SPTB: variants seen among roughly 807,000 people sequenced by gnomAD.
SPTB encodes the protein spectrin beta chain, erythrocytic.
In SPTB, 45 loss-of-function variants were observed where a neutral mutation model predicts 256.2. The observed-to-expected ratio is 0.18, with a 90% CI of 0.14 to 0.23. The LOEUF is 0.23. Among genes scored for constraint, SPTB ranks in the 10% least tolerant of loss-of-function variants. The probability of loss-of-function intolerance (pLI) is 1.00; values close to 1 mark genes in which losing one functional copy is unlikely to be tolerated. For synonymous variants in SPTB, 1,231 were observed against 1,243.1 expected (o/e 0.99, Z 0.21); for missense variants, 2,715 against 3,040.4 (o/e 0.89, Z 2.52).
intron 1 of SPTB, among the ~76,000 whole-genome samples, chr14:64,864,705 A>G (rs888304341): frequency 2.0e-5 from 3 of 152,224 alleles, no homozygotes; most frequent in African/African-American, 7.2e-5. Context: ...TCTTCGCAGT[A>G]ATAAGTCTAG....
Position 64,799,890 on chromosome 14 carries a change from G to A in SPTB, c.921C>T (p.Tyr307=), listed in dbSNP as rs1172912595. The A allele has an allele frequency of 1.3e-5, 21 of 1,614,150 alleles. No individual in the cohort carries two copies. The highest frequency in any genetic ancestry group is 1.8e-5 in the Non-Finnish European group (21 of 1,180,060). The change falls in exon 9 of 36, where the codon TAC becomes TAT. Residue 307 remains tyrosine, a synonymous_variant. Coordinates refer to ENST00000644917, the MANE Select transcript of SPTB (RefSeq NM_001355436.2). ...AIETEKMIEK[Y]SGLASDLLTW... ...TGAGCAGGTCCGAGGCTAGCCCGCT[G>A]TACTTTTCAATCATCTTCTCAGTCT...
intron 5 of SPTB, among the ~76,000 whole-genome samples, 163 bp from the exon 6 acceptor site, chr14:64,801,997 A>T (rs577185605): frequency 4.1e-4 from 63 of 152,324 alleles, no homozygotes; most frequent in African/African-American, 1.5e-3. Flanking sequence ...AGGCTCCCCC[A>T]TCAGATGTGA....
At chr14:64,791,347 C>T (rs535884508) in intron 15 of SPTB, among the ~76,000 whole-genome samples, 2 of 152,072 alleles carry the variant, frequency 1.3e-5, no homozygotes, top group South Asian at 2.1e-4. Context: ...GTGGGCAGAT[C>T]GCTTGAGGCC....
rs539506928 is a variant in SPTB, at chr14:64,823,197, T to C, written c.-51-52A>G. ...GTTATCTCTCTACCCCCTCGGACTT[T>C]TTCTCCGGGGAAACTTATTCGGAGC... On this transcript the variant is annotated intron_variant, in intron 1 of 35. Coordinates refer to ENST00000644917, the MANE Select transcript of SPTB (RefSeq NM_001355436.2). The surrounding 1 kb of genome is among the most constrained non-coding windows in gnomAD (Gnocchi z 6.5). 7.2e-5 allele frequency: 103 copies of C among 1,433,244 alleles called. No individual in the cohort carries two copies. The highest frequency in any genetic ancestry group is 9.1e-5 in the Non-Finnish European group (93 of 1,023,448). The allele number at this position is 1,433,244 out of a possible 1,614,324, so 88.8% of individuals were successfully genotyped here. A position where few individuals can be genotyped will look rare whatever the true frequency, so the allele number is the denominator to read the frequency against.
chr14:64,854,766 C>T (rs909999110), intron 1 of SPTB, among the ~76,000 whole-genome samples: 2 of 152,136 alleles, frequency 1.3e-5, no homozygotes, highest in African/African-American at 2.4e-5. Flanking sequence ...TCCAGGATGC[C>T]GGCAGGCCAA....
Position 64,777,582 on chromosome 14 carries a change from A to G in SPTB, c.4563+1575T>C, listed in dbSNP as rs145858012. ...CAAAGTGCAGTCCTGAACCAGCAGCATCGGCATCACCTAGGATCTTGTTGG... is the reference window on the plus strand; with the variant it reads ...CAAAGTGCAGTCCTGAACCAGCAGCGTCGGCATCACCTAGGATCTTGTTGG... On this transcript the variant is annotated intron_variant, in intron 22 of 35. Coordinates refer to ENST00000644917, the MANE Select transcript of SPTB (RefSeq NM_001355436.2). This position sits in a 1 kb window ranked among gnomAD's most constrained non-coding sequence, Gnocchi z 4.5. Among the ~76,000 whole-genome samples, 333 of 152,244 alleles carry G rather than the reference A, an allele frequency of 2.2e-3. 1 individual carries two copies. Among genetic ancestry groups the G allele is most frequent in the African/African-American group, 7.6e-3 (315 of 41,512 alleles).
At chr14:64,821,397 G>T (rs1156628300) in intron 2 of SPTB, among the ~76,000 whole-genome samples, 3 of 152,064 alleles carry the variant, frequency 2.0e-5, no homozygotes, top group Admixed American at 2.0e-4. Context: ...TGTTAAAATA[G>T]AATTTACCTT....
rs1418842922 is a variant in SPTB at position 64,879,777 on chromosome 14, C to G, written c.-52+15G>C. ...CACCCAGCTCCCTTGGCCGCCGGGC[C>G]CTCCTGGGACTCACCTGCCCTGGGA... On this transcript the variant is annotated intron_variant, in intron 1 of 35. Coordinates refer to ENST00000644917, the MANE Select transcript of SPTB (RefSeq NM_001355436.2). The G allele has an allele frequency of 6.5e-6, 1 of 152,760 alleles. No homozygotes were observed. Among genetic ancestry groups the G allele is most frequent in the African/African-American group, 2.4e-5 (1 of 41,402 alleles). The allele number at this position is 152,760 out of a possible 1,614,324, so 9.5% of individuals were successfully genotyped here.
At chr14:64,765,025 C>CGTGCGTGTGTGTGT (rs2082145855) in intron 32 of SPTB, among the ~76,000 whole-genome samples, 1 of 118,254 alleles carries the variant, frequency 8.5e-6, no homozygotes, top group African/African-American at 3.2e-5. Flanking sequence ...GGAGTGTGTG[C>CGTGCGTGTGTGTGT]GTGTGTGTGT....
intron 1 of SPTB, among the ~76,000 whole-genome samples, chr14:64,864,010 T>C (rs1339407298): frequency 6.6e-6 from 1 of 152,210 alleles, no homozygotes; most frequent in Non-Finnish European, 1.5e-5. Flanking sequence ...CATAAGTACA[T>C]AGCATCAGCA....
rs572741834 is a variant in SPTB, at chr14:64,823,809, G to T, written c.-51-664C>A. ...TTAGGGCTTCTTTGGAGCATGACCA[G>T]GTGCTCAGATGAGGTCTCCTGTTGA... On this transcript the variant is annotated intron_variant, in intron 1 of 35. Coordinates refer to ENST00000644917, the MANE Select transcript of SPTB (RefSeq NM_001355436.2). This position sits in a 1 kb window ranked among gnomAD's most constrained non-coding sequence, Gnocchi z 6.5. Among the ~76,000 whole-genome samples the T allele has an allele frequency of 1.3e-5, 2 of 152,146 alleles. No homozygotes were observed. Among genetic ancestry groups the T allele is most frequent in the African/African-American group, 4.8e-5 (2 of 41,430 alleles).
At chr14:64,765,915 GGTGTGTATGA>G (rs1164452970) in intron 32 of SPTB, among the ~76,000 whole-genome samples, 6 of 149,794 alleles carry the variant, frequency 4.0e-5, no homozygotes, top group Non-Finnish European at 5.9e-5. Context: ...GTGGGGGTGT[GGTGTGTATGA>G]GTGTGTATGT....
At position 64,785,446 on chromosome 14, in the gene SPTB, G is replaced by T; in HGVS notation, c.3855+91C>A. On this transcript the variant is annotated intron_variant, in intron 18 of 35. Transcript: ENST00000644917. The surrounding 1 kb of genome is among the most constrained non-coding windows in gnomAD (Gnocchi z 4.4). ...ATGGAATCCCACAGCTCTTGAGCTA[G>T]AAAGGATCCCTGTGGACTTCCTGCC... The T allele has an allele frequency of 8.4e-7, 1 of 1,193,358 alleles. No individual in the cohort carries two copies. The allele number at this position is 1,193,358 out of a possible 1,614,324, so 73.9% of individuals were successfully genotyped here. A position where few individuals can be genotyped will look rare whatever the true frequency, so the allele number is the denominator to read the frequency against.
At chr14:64,801,185 T>A in intron 7 of SPTB, 100 bp downstream of exon 7, 1 of 1,039,464 alleles carries the variant, frequency 9.6e-7, no homozygotes, top group Non-Finnish European at 1.4e-6. Flanking sequence ...GCCCAGCACC[T>A]GGGCCGGCCT....
chr14:64,800,746 C>T lies in SPTB; in HGVS notation c.876+10G>A, dbSNP rs1030501197. 6.8e-6 allele frequency: 11 copies of T among 1,613,104 alleles called. No homozygotes were observed. The highest frequency in any genetic ancestry group is 8.5e-6 in the Non-Finnish European group (10 of 1,179,046). ...GAAGAGTGACACTTTGGTTCCAAAA[C>T]AGCTTGTACCTTGCCGACACGCTTG... On this transcript the variant is annotated intron_variant, in intron 8 of 35. Transcript: ENST00000644917.
chr14:64,832,842 C>G (rs2083468851), intron 1 of SPTB, among the ~76,000 whole-genome samples: 1 of 152,214 alleles, frequency 6.6e-6, no homozygotes, highest in Non-Finnish European at 1.5e-5. Context: ...CTTCTGGCCA[C>G]TGCCTTCTCA....
In SPTB at chr14:64,786,540, C is replaced by T. The variant is rs141173028; in HGVS notation, c.3425G>A (p.Arg1142Gln). 251 of 1,614,188 alleles carry T rather than the reference C, an allele frequency of 1.6e-4. 1 individual carries two copies. The highest frequency in any genetic ancestry group is 9.8e-4 in the South Asian group (89 of 91,084). Reference protein sequence around the residue: ...TDPEYLLLGQRLEGLDTGWNA... With the variant: ...TDPEYLLLGQQLEGLDTGWNA... ...CCAGCCAGTATCCAGGCCCTCCAGC[C>T]GCTGGCCCAGAAGCAGATACTCTGG... Residue 1142 changes from arginine (R) to glutamine (Q), a missense_variant, in exon 16 of 36, where the codon CGG becomes CAG. Physicochemically the swap from Arg to Gln is conservative, Grantham distance 43 (BLOSUM62 1). Around this residue, in one of 4 missense-constraint regions of SPTB, gnomAD observed 2,239 missense variants for 2,384.4 expected, o/e 0.94. Coordinates refer to ENST00000644917, the MANE Select transcript of SPTB (RefSeq NM_001355436.2). This position sits in a 1 kb window ranked among gnomAD's most constrained non-coding sequence, Gnocchi z 5.6.
At chr14:64,791,434 C>T (rs578088738) in intron 15 of SPTB, among the ~76,000 whole-genome samples, 8 of 152,116 alleles carry the variant, frequency 5.3e-5, no homozygotes, top group African/African-American at 1.7e-4. Flanking sequence ...GGCATTGTAT[C>T]GCACGCCTGT....
Position 64,827,143 on chromosome 14 carries a change from C to T in SPTB, c.-51-3998G>A, listed in dbSNP as rs964573085. 2.0e-5 allele frequency among the ~76,000 whole-genome samples: 3 copies of T among 152,124 alleles called. No individual in the cohort carries two copies. The highest frequency in any genetic ancestry group is 7.2e-5 in the African/African-American group (3 of 41,430). On this transcript the variant is annotated intron_variant, in intron 1 of 35. Coordinates refer to ENST00000644917, the MANE Select transcript of SPTB (RefSeq NM_001355436.2). This position sits in a 1 kb window ranked among gnomAD's most constrained non-coding sequence, Gnocchi z 4.6. ...CAGCCTGCAGGGTGCTGACGGAGCC[C>T]AAGCTAGGACCCATGTCAGCCCTCG...
Sources: gnomAD v4.1 joint callset for allele counts (sites outside exome capture counted in the v4.1 genomes callset) on GRCh38, gnomAD v4.1.1 for gene constraint, gnomAD v4.1.1 regional missense constraint, Gnocchi (gnomAD v3.1) non-coding constraint, MANE v1.5 for transcripts, NCBI Gene and HGNC (gene_info 2026-07-23, HGNC 2026-07-21) for gene names.